Variants in ATP10B observed in about 807,000 individuals in gnomAD.
ATP10B encodes the protein phospholipid-transporting ATPase VB.
ATP10B carries 122 observed loss-of-function variants against 141.2 expected under a neutral mutation model. The ratio of observed to expected loss-of-function variants is 0.86; its 90% CI spans 0.75 to 1.00. The LOEUF is 1.00. Ranked by LOEUF, ATP10B falls within the 50% of genes least tolerant of loss-of-function variation. ATP10B has a pLI of 0.00. For synonymous variants in ATP10B, 685 were observed against 692.0 expected, an observed-to-expected ratio of 0.99 and a Z score of 0.16; for missense variants, 1,876 against 1,825.3, an observed-to-expected ratio of 1.03 and a Z score of -0.51.
At position 160,652,850 on chromosome 5, in the gene ATP10B, G is replaced by A. The variant is rs1274533900; in HGVS notation, c.676-3594C>T. Among the ~76,000 whole-genome samples, 86 of 76,358 alleles carry A rather than the reference G, an allele frequency of 1.1e-3. 5 individuals carry two copies. The highest frequency in any genetic ancestry group is 3.6e-3 in the African/African-American group (76 of 21,102). 50.1% of individuals were successfully genotyped at this position (76,358 alleles called of 152,430 possible). A position where few individuals can be genotyped will look rare whatever the true frequency, so the allele number is the denominator to read the frequency against. On this transcript the variant is annotated intron_variant, in intron 7 of 25. Coordinates refer to ENST00000327245, the MANE Select transcript of ATP10B (RefSeq NM_025153.3). Reference sequence around the variant, plus strand: ...TTATATATAATATATATTATAAAAAGATTATAAATTATATATAATATATAT... The same window carrying A: ...TTATATATAATATATATTATAAAAAAATTATAAATTATATATAATATATAT...
chr5:160,683,040 CAAAAAAAAAA>C (rs35571529), intron 6 of ATP10B, among the ~76,000 whole-genome samples: 3 of 66,978 alleles, frequency 4.5e-5, no homozygotes, highest in African/African-American at 5.7e-5. Context: ...CTCTGTCCCC[CAAAAAAAAAA>C]AAAAAAAAAA....
intron 1 of ATP10B, among the ~76,000 whole-genome samples, chr5:160,820,492 A>G (rs1272109890): frequency 3.3e-5 from 5 of 152,124 alleles, no homozygotes; most frequent in Non-Finnish European, 7.4e-5. Flanking sequence ...ATCCTACTTA[A>G]ACTATTCTGA....
intron 6 of ATP10B, among the ~76,000 whole-genome samples, chr5:160,671,190 A>T (rs980338360): frequency 6.6e-6 from 1 of 150,400 alleles, no homozygotes; most frequent in Non-Finnish European, 1.5e-5. Context: ...AAAAAAAAAA[A>T]AACCCAAACC....
Position 160,687,959 on chromosome 5 carries a change from C to T in ATP10B, c.116G>A (p.Ser39Asn). 2 of 1,614,142 alleles carry T rather than the reference C, an allele frequency of 1.2e-6. No homozygotes were observed. Among genetic ancestry groups the T allele is most frequent in the East Asian group, 2.2e-5 (1 of 44,876 alleles). Residue 39 changes from serine to asparagine, a missense_variant, in exon 5 of 26, where the codon AGC becomes AAC. Physicochemically the swap from Ser to Asn is conservative, Grantham distance 46 (BLOSUM62 1). Transcript: ENST00000327245. ...PLLSPEKGRQ[S>N]YNLTQQRVVF... ...GACCCGCTGCTGTGTCAAGTTGTAG[C>T]TCTGTCTCCCTTTCTCTGGAGAGAG...
chr5:160,663,502 AG>A (rs1386560099), intron 7 of ATP10B, among the ~76,000 whole-genome samples: 1 of 152,222 alleles, frequency 6.6e-6, no homozygotes, highest in African/African-American at 2.4e-5. Context: ...ACATGGATGA[AG>A]CTGCAAACCA....
At chr5:160,605,699 G>T (rs908595572) in intron 19 of ATP10B, among the ~76,000 whole-genome samples, 3 of 152,184 alleles carry the variant, frequency 2.0e-5, no homozygotes, top group Non-Finnish European at 4.4e-5. Context: ...TGAAATGTTA[G>T]GAAAGAAAAT....
At chr5:160,882,118 A>C in the ATP10B span, among the ~76,000 whole-genome samples, 2 of 152,226 alleles carry the variant, frequency 1.3e-5, no homozygotes, top group Non-Finnish European at 2.9e-5. Flanking sequence ...AGGAATGAAC[A>C]GGTAGGCCAC....
At chr5:160,584,986 A>T (rs1755797359) in intron 24 of ATP10B, among the ~76,000 whole-genome samples, 1 of 152,168 alleles carries the variant, frequency 6.6e-6, no homozygotes, top group African/African-American at 2.4e-5. Context: ...CTGCCTCTGT[A>T]TGTTTTATAT....
intron 2 of ATP10B, among the ~76,000 whole-genome samples, chr5:160,734,033 G>A (rs142773246): frequency 0.014 from 2,076 of 146,000 alleles, 22 homozygotes; most frequent in Admixed American, 0.03. Flanking sequence ...ACTTGAACCC[G>A]GGAGGTGGAG....
chr5:160,914,826 T>G, the ATP10B span, among the ~76,000 whole-genome samples: 2 of 152,298 alleles, frequency 1.3e-5, no homozygotes, highest in East Asian at 3.9e-4. Flanking sequence ...AGTGCTCCAT[T>G]TCAAAGGACC....
chr5:160,911,882 G>GCA, the ATP10B span, among the ~76,000 whole-genome samples: 1 of 152,156 alleles, frequency 6.6e-6, no homozygotes, highest in African/African-American at 2.4e-5. Flanking sequence ...ACATAATGAT[G>GCA]CACTAGAGAT....
At chr5:160,678,294 C>T (rs926782097) in intron 6 of ATP10B, among the ~76,000 whole-genome samples, 1 of 151,944 alleles carries the variant, frequency 6.6e-6, no homozygotes, top group Non-Finnish European at 1.5e-5. Context: ...GTAGGACACA[C>T]AGCAAAAAAG....
At chr5:160,599,462 A>G (rs1425410475) in intron 21 of ATP10B, among the ~76,000 whole-genome samples, 1 of 152,180 alleles carries the variant, frequency 6.6e-6, no homozygotes, top group Non-Finnish European at 1.5e-5. Flanking sequence ...TGGACAAACT[A>G]CTTAATCTTT....
intron 10 of ATP10B, among the ~76,000 whole-genome samples, chr5:160,638,390 G>A (rs147156033): frequency 1.3e-3 from 194 of 152,172 alleles, no homozygotes; most frequent in African/African-American, 3.9e-3. Context: ...TTTTCACGCT[G>A]ATATGCCCTG....
At chr5:160,877,334 AC>A in the ATP10B span, among the ~76,000 whole-genome samples, 1 of 135,134 alleles carries the variant, frequency 7.4e-6, no homozygotes, top group African/African-American at 2.6e-5. Flanking sequence ...AAATTCAACA[AC>A]CCTTCATGCT....
intron 10 of ATP10B, among the ~76,000 whole-genome samples, chr5:160,636,547 A>C (rs969156231): frequency 3.9e-5 from 6 of 152,208 alleles, no homozygotes; most frequent in African/African-American, 1.4e-4. Flanking sequence ...TTGTTTTACA[A>C]GAGGAGATTG....
At chr5:160,601,258 A>G (rs1047055582) in intron 21 of ATP10B, among the ~76,000 whole-genome samples, 2 of 152,228 alleles carry the variant, frequency 1.3e-5, no homozygotes, top group Non-Finnish European at 2.9e-5. Context: ...ATTCCTGAGC[A>G]AAGGTGACTG....
intron 24 of ATP10B, among the ~76,000 whole-genome samples, chr5:160,580,957 T>C (rs1416473585): frequency 6.6e-6 from 1 of 152,238 alleles, no homozygotes; most frequent in Non-Finnish European, 1.5e-5. Flanking sequence ...GAGGTGTTTA[T>C]AGTATTCTCT....
the ATP10B span, among the ~76,000 whole-genome samples, chr5:160,898,985 G>A: frequency 2.4e-4 from 35 of 145,362 alleles, no homozygotes; most frequent in Non-Finnish European, 3.0e-5. Context: ...ACACACTGGG[G>A]CCTGTCAGGG....
Sources: allele counts gnomAD v4.1 joint callset (sites outside exome capture counted in the v4.1 genomes callset), GRCh38; gene constraint gnomAD v4.1.1; transcripts MANE v1.5; gene names NCBI Gene and HGNC (gene_info 2026-07-23, HGNC 2026-07-21).